The following COL24A1 variants were observed in gnomAD, a reference collection of about 807,000 sequenced individuals.
The protein encoded by COL24A1 is collagen type XXIV alpha 1 chain.
In COL24A1, 224 loss-of-function variants were observed where a neutral mutation model predicts 253.9. The ratio of observed to expected loss-of-function variants is 0.88; its 90% CI spans 0.79 to 0.99. The LOEUF is 0.99. COL24A1 is among the 50% of genes least tolerant of loss of function. The probability of loss-of-function intolerance (pLI) is 0.00; values close to 1 mark genes in which losing one functional copy is unlikely to be tolerated. For missense variants in COL24A1, 2,131 were observed against 2,068.5 expected (o/e 1.03, Z -0.59); for synonymous variants, 685 against 673.7 (o/e 1.02, Z -0.26).
At chr1:85,732,121 C>T (rs1271346880) in intron 59 of COL24A1, among the ~76,000 whole-genome samples, 1 of 152,198 alleles carries the variant, frequency 6.6e-6, no homozygotes, top group Non-Finnish European at 1.5e-5. Flanking sequence ...ATAATAAACA[C>T]CTACCTCACA....
chr1:85,765,732 C>T (rs1050329935), intron 53 of COL24A1, among the ~76,000 whole-genome samples: 1 of 151,992 alleles, frequency 6.6e-6, no homozygotes, highest in African/African-American at 2.4e-5. Context: ...CAGAGCAAGA[C>T]TCTGTCAAGA....
At chr1:85,904,983 C>A (rs1684670250) in intron 28 of COL24A1, among the ~76,000 whole-genome samples, 1 of 152,080 alleles carries the variant, frequency 6.6e-6, no homozygotes, top group African/African-American at 2.4e-5. Context: ...TAAGCAGACT[C>A]TTTGGAGTAG....
At chr1:85,983,573 C>T (rs1693447778) in intron 20 of COL24A1, among the ~76,000 whole-genome samples, 1 of 151,898 alleles carries the variant, frequency 6.6e-6, no homozygotes, top group South Asian at 2.1e-4. Context: ...ATACAGTGCA[C>T]ATGATTTTCT....
At chr1:86,152,402 T>C (rs974482699) in intron 1 of COL24A1, among the ~76,000 whole-genome samples, 3 of 152,220 alleles carry the variant, frequency 2.0e-5, no homozygotes, top group Non-Finnish European at 4.4e-5. Context: ...AAAAATATTA[T>C]ATAAAATTAA....
chr1:86,085,329 A>G (rs1327345521), intron 7 of COL24A1, among the ~76,000 whole-genome samples: 1 of 152,182 alleles, frequency 6.6e-6, no homozygotes, highest in African/African-American at 2.4e-5. Flanking sequence ...AAATAAAATA[A>G]AAATTCACAC....
chr1:86,025,127 A>C (rs558419612), intron 14 of COL24A1, among the ~76,000 whole-genome samples: 1 of 152,318 alleles, frequency 6.6e-6, no homozygotes, highest in East Asian at 1.9e-4. Flanking sequence ...TGGAAATCCT[A>C]GTCCTGAGAA....
rs768132678 is a variant in COL24A1 at position 85,961,264 on chromosome 1, T to C, written c.2547A>G (p.Gly849=). ...ATAAGCTTACTGTTTCACCAATTTTTCCAATATTTCCTTGATCTCCTACTT... is the reference window on the plus strand; with the variant it reads ...ATAAGCTTACTGTTTCACCAATTTTCCCAATATTTCCTTGATCTCCTACTT... ...KGEVGDQGNI[G]KIGETGPVGL... is the part of the protein sequence containing the mutation. The change falls in exon 24 of 60, where the codon GGA becomes GGG. Residue 849 remains glycine (G), a synonymous_variant. Coordinates refer to ENST00000370571, the MANE Select transcript of COL24A1 (RefSeq NM_152890.7). 1.2e-6 allele frequency: 2 copies of C among 1,605,416 alleles called. No homozygotes were observed. The highest frequency in any genetic ancestry group is 1.7e-6 in the Non-Finnish European group (2 of 1,173,134).
At chr1:85,938,634 C>A (rs1688444442) in intron 24 of COL24A1, among the ~76,000 whole-genome samples, 1 of 145,638 alleles carries the variant, frequency 6.9e-6, no homozygotes, top group African/African-American at 2.5e-5. Context: ...AGAAGTAGAT[C>A]CAAGCAGAAC....
rs576391147 is a variant in COL24A1, at chr1:85,907,156, T to TGGG, written c.2778+35_2778+37dup. On this transcript the variant is annotated intron_variant, in intron 28 of 59. Transcript: ENST00000370571. ...TTTTCCACTATTTATGAAGTAATTTTGGGGGGGTTAATGTACTTTTTTCCT... is the reference window on the plus strand; with the variant it reads ...TTTTCCACTATTTATGAAGTAATTTTGGGGGGGGGGTTAATGTACTTTTTTCCT... 2.9e-5 allele frequency: 43 copies of TGGG among 1,506,108 alleles called. 1 individual carries two copies. Among genetic ancestry groups the TGGG allele is most frequent in the African/African-American group, 6.9e-5 (5 of 72,470 alleles). 93.3% of individuals were successfully genotyped at this position (1,506,108 alleles called of 1,614,324 possible).
At chr1:85,919,572 T>C (rs1477566497) in intron 24 of COL24A1, among the ~76,000 whole-genome samples, 1 of 152,190 alleles carries the variant, frequency 6.6e-6, no homozygotes, top group African/African-American at 2.4e-5. Context: ...TAGTCCCAGC[T>C]ACTCAGAAGA....
intron 19 of COL24A1, among the ~76,000 whole-genome samples, chr1:86,010,995 AAC>A (rs1696436442): frequency 6.6e-6 from 1 of 152,146 alleles, no homozygotes; most frequent in South Asian, 2.1e-4. Flanking sequence ...GGCAGGTGAG[AAC>A]ACTGAAAAAG....
Position 85,730,343 on chromosome 1 carries a change from AG to A in COL24A1, c.*202del. 2.4e-6 allele frequency: 1 copy of A among 420,834 alleles called. No individual in the cohort carries two copies. Among genetic ancestry groups the A allele is most frequent in the South Asian group, 5.8e-5 (1 of 17,358 alleles). 26.1% of individuals were successfully genotyped at this position (420,834 alleles called of 1,614,324 possible). Reference sequence around the variant, plus strand: ...AGCTGAGATGAATATAATTTTTAAAAGAATTAAATACTTTATCAATCATAGT... The same window carrying A: ...AGCTGAGATGAATATAATTTTTAAAAAATTAAATACTTTATCAATCATAGT... On this transcript the variant is annotated 3_prime_UTR_variant, in exon 60 of 60. Coordinates refer to ENST00000370571, the MANE Select transcript of COL24A1 (RefSeq NM_152890.7).
Position 85,905,886 on chromosome 1 carries a change from T to C in COL24A1, c.2778+1308A>G, listed in dbSNP as rs538879910. Among the ~76,000 whole-genome samples the C allele has an allele frequency of 5.7e-4, 86 of 152,184 alleles. 1 individual carries two copies. In the Middle Eastern group the frequency reaches 0.017, roughly 30 times the overall value. ...GGAACAAGTAAGTATTTCTTCTTTT[T>C]TTCATCTGTCACAAATTGGTTGAAC... On this transcript the variant is annotated intron_variant, in intron 28 of 59. Coordinates refer to ENST00000370571, the MANE Select transcript of COL24A1 (RefSeq NM_152890.7).
At chr1:85,863,580 A>G (rs1679417062) in intron 37 of COL24A1, among the ~76,000 whole-genome samples, 1 of 152,246 alleles carries the variant, frequency 6.6e-6, no homozygotes, top group African/African-American at 2.4e-5. Flanking sequence ...GAGCTTCTGC[A>G]CAGAAAAAGA....
chr1:86,052,527 G>T (rs768469487), intron 10 of COL24A1, among the ~76,000 whole-genome samples: 15 of 152,180 alleles, frequency 9.9e-5, no homozygotes, highest in Non-Finnish European at 1.8e-4. Flanking sequence ...TGTACTTATA[G>T]TAGTCAAATT....
chr1:86,083,114 G>A (rs1191648209), intron 7 of COL24A1, among the ~76,000 whole-genome samples: 3 of 151,940 alleles, frequency 2.0e-5, no homozygotes, highest in African/African-American at 4.8e-5. Flanking sequence ...TGGCTAACAC[G>A]GTGAAACCCC....
chr1:86,039,465 A>T (rs76057678), intron 12 of COL24A1, among the ~76,000 whole-genome samples: 1,579 of 152,268 alleles, frequency 0.01, 31 homozygotes, highest in African/African-American at 0.036. Flanking sequence ...GACCAAGATA[A>T]CCATAAAATG....
chr1:86,133,406 G>C (rs1649637262), intron 2 of COL24A1, among the ~76,000 whole-genome samples: 2 of 152,204 alleles, frequency 1.3e-5, no homozygotes, highest in Admixed American at 6.5e-5. Context: ...GGAGTGGTGA[G>C]AGAGGGCATC....
chr1:85,760,684 G>A (rs1341714842), intron 55 of COL24A1, among the ~76,000 whole-genome samples: 2 of 152,172 alleles, frequency 1.3e-5, no homozygotes, highest in Admixed American at 1.3e-4. Context: ...GTAGATCCAT[G>A]TTAGGCAGAA....
Sources: gnomAD v4.1 joint callset for allele counts (sites outside exome capture counted in the v4.1 genomes callset) on GRCh38, gnomAD v4.1.1 for gene constraint, MANE v1.5 for transcripts, NCBI Gene and HGNC (gene_info 2026-07-23, HGNC 2026-07-21) for gene names.